The following INSL6 variants were observed in gnomAD, a reference collection of about 807,000 sequenced individuals.
INSL6 encodes insulin like 6.
INSL6 carries 16 observed loss-of-function variants against 9.4 expected under a neutral mutation model. The observed-to-expected ratio is 1.70, with a 90% CI of 1.15 to 2.59. INSL6 has a LOEUF of 2.59. Among genes scored for constraint, INSL6 ranks in the 30% most tolerant of loss-of-function variants. The pLI, the probability that INSL6 is intolerant of heterozygous loss-of-function variation, is 0.00. For missense variants in INSL6, 391 were observed against 257.3 expected (o/e 1.52, Z -3.56); for synonymous variants, 154 against 96.9 (o/e 1.59, Z -3.46).
the INSL6 span, chr9:5,111,784 C>T: frequency 9.5e-6 from 4 of 422,510 alleles, no homozygotes; most frequent in Admixed American, 1.1e-4. Context: ...CTGCATCCAC[C>T]TTCTCCTTGG....
chr9:5,037,196 G>A, the INSL6 span, among the ~76,000 whole-genome samples: 1 of 152,130 alleles, frequency 6.6e-6, no homozygotes, highest in Non-Finnish European at 1.5e-5. Context: ...TCATTAAAAA[G>A]TCAGGAAACA....
At chr9:5,036,556 T>C in the INSL6 span, among the ~76,000 whole-genome samples, 37 of 151,478 alleles carry the variant, frequency 2.4e-4, no homozygotes, top group Non-Finnish European at 4.1e-4. Context: ...GAAATAATGC[T>C]ACCTATCTAC....
At chr9:5,159,482 C>CA (rs1396762789), downstream of INSL6, among the ~76,000 whole-genome samples, 3 of 151,380 alleles carry the variant, frequency 2.0e-5, no homozygotes, top group East Asian at 5.8e-4. Context: ...CAATGGAAAC[C>CA]AAAAACAAGC....
chr9:5,064,493 G>C, the INSL6 span, among the ~76,000 whole-genome samples: 1 of 150,384 alleles, frequency 6.6e-6, no homozygotes, highest in African/African-American at 2.5e-5. Context: ...TTGTGCCAGT[G>C]CACTTCAGCC....
chr9:4,993,479 A>G, the INSL6 span, among the ~76,000 whole-genome samples: 1 of 152,214 alleles, frequency 6.6e-6, no homozygotes, highest in African/African-American at 2.4e-5. Context: ...GAAGAAGCCA[A>G]ATTGCTTTAA....
chr9:5,085,939 G>T, the INSL6 span: 2 of 1,116,730 alleles, frequency 1.8e-6, no homozygotes, highest in Non-Finnish European at 2.7e-6. Flanking sequence ...CTCCAACCGA[G>T]TTTGAAAGGA....
the INSL6 span, among the ~76,000 whole-genome samples, chr9:5,059,656 CTT>C: frequency 6.6e-6 from 1 of 152,124 alleles, no homozygotes. Flanking sequence ...TCAGTTCACT[CTT>C]CTTTCAGTAA....
intron 1 of INSL6, among the ~76,000 whole-genome samples, chr9:5,164,546 T>C (rs1294200740): frequency 6.6e-6 from 1 of 152,196 alleles, no homozygotes; most frequent in Non-Finnish European, 1.5e-5. Context: ...ATTCAGTGGG[T>C]CTTAGTATAT....
the INSL6 span, chr9:5,111,420 C>A: frequency 5.0e-6 from 2 of 400,758 alleles, no homozygotes; most frequent in Non-Finnish European, 4.9e-6. Context: ...ACGCAGCCCA[C>A]GAAGGTCGGG....
At chr9:5,006,368 T>C in the INSL6 span, among the ~76,000 whole-genome samples, 2 of 152,200 alleles carry the variant, frequency 1.3e-5, no homozygotes, top group African/African-American at 4.8e-5. Context: ...TGAAGTTGCT[T>C]ATCAGCTTAA....
the INSL6 span, among the ~76,000 whole-genome samples, chr9:5,054,042 GATCAC>G: frequency 1.3e-5 from 2 of 152,076 alleles, no homozygotes; most frequent in South Asian, 4.1e-4. This position sits in a 1 kb window ranked among gnomAD's most constrained non-coding sequence, Gnocchi z 4.9. Flanking sequence ...GAATTGTTTT[GATCAC>G]AAAGGAATTA....
the INSL6 span, among the ~76,000 whole-genome samples, chr9:5,053,085 C>T: frequency 1.3e-5 from 2 of 152,194 alleles, no homozygotes; most frequent in Non-Finnish European, 2.9e-5. Flanking sequence ...TCAAAAGCAG[C>T]TGTGCCACAT....
chr9:5,148,526 G>A (rs1430905278), intron 2 of INSL6, among the ~76,000 whole-genome samples: 4 of 152,154 alleles, frequency 2.6e-5, no homozygotes, highest in Non-Finnish European at 1.5e-5. Context: ...GGGCCACAGG[G>A]CTCCCTTGGG....
At chr9:5,040,602 T>C in the INSL6 span, among the ~76,000 whole-genome samples, 610 of 152,346 alleles carry the variant, frequency 4.0e-3, 4 homozygotes, top group African/African-American at 0.014. Flanking sequence ...ATAAAAGAAT[T>C]CTTACAGCTC....
At chr9:5,126,207 G>C (rs1168894492) in intron 3 of INSL6, 3 of 597,866 alleles carry the variant, frequency 5.0e-6, no homozygotes, top group Non-Finnish European at 2.9e-6. Flanking sequence ...AGTTTGTTTT[G>C]AAAAGGTTTG....
At chr9:5,066,172 T>G in the INSL6 span, among the ~76,000 whole-genome samples, 1 of 152,270 alleles carries the variant, frequency 6.6e-6, no homozygotes, top group East Asian at 1.9e-4. Context: ...GTGTGCAGCT[T>G]CAGAAAACAT....
chr9:5,044,549 G>C, the INSL6 span: 19 of 1,277,416 alleles, frequency 1.5e-5, no homozygotes, highest in Non-Finnish European at 2.1e-5. Context: ...ACTTGTACAT[G>C]AGTTAAATGA....
chr9:5,079,066 C>T, the INSL6 span, among the ~76,000 whole-genome samples: 1 of 152,270 alleles, frequency 6.6e-6, no homozygotes, highest in South Asian at 2.1e-4. Context: ...TTTTTGTGCA[C>T]TGATGTGTCC....
the INSL6 span, among the ~76,000 whole-genome samples, chr9:5,096,221 C>T: frequency 1.3e-5 from 2 of 152,280 alleles, no homozygotes; most frequent in South Asian, 2.1e-4. Flanking sequence ...ATTTCTTCTA[C>T]CTTCCTCTTA....
Sources: gnomAD v4.1 joint callset for allele counts (sites outside exome capture counted in the v4.1 genomes callset) on GRCh38, gnomAD v4.1.1 for gene constraint, Gnocchi (gnomAD v3.1) non-coding constraint, MANE v1.5 for transcripts, NCBI Gene and HGNC (gene_info 2026-07-23, HGNC 2026-07-21) for gene names.